Variants in RBFOX1 observed in about 807,000 individuals in gnomAD.
The protein encoded by RBFOX1 is RNA binding protein fox-1 homolog 1.
RBFOX1 carries 8 observed loss-of-function variants against 57.7 expected under a neutral mutation model. The ratio of observed to expected loss-of-function variants is 0.14; its 90% CI spans 0.08 to 0.25. The LOEUF (loss-of-function observed/expected upper bound fraction) is 0.25, where lower values mean the gene tolerates loss of function less well. Ranked by LOEUF, RBFOX1 falls within the 10% of genes least tolerant of loss-of-function variation. The pLI is 1.00. For missense variants in RBFOX1, 611 were observed against 548.5 expected (o/e 1.11, Z -1.14); for synonymous variants, 326 against 222.4 (o/e 1.47, Z -4.15).
At chr16:6,761,462 A>G (rs991132404) in intron 3 of RBFOX1, among the ~76,000 whole-genome samples, 4 of 145,084 alleles carry the variant, frequency 2.8e-5, no homozygotes, top group Non-Finnish European at 6.0e-5. Flanking sequence ...GTTTTTAAAC[A>G]TACACTCCAG....
At chr16:6,994,189 C>G (rs1238618098) in intron 3 of RBFOX1, among the ~76,000 whole-genome samples, 3 of 152,070 alleles carry the variant, frequency 2.0e-5, no homozygotes, top group African/African-American at 2.4e-5. Flanking sequence ...CCTTTCCAGT[C>G]TGCAAAATTA....
At chr16:7,087,664 T>A (rs532487254) in intron 4 of RBFOX1, among the ~76,000 whole-genome samples, 8 of 152,202 alleles carry the variant, frequency 5.3e-5, no homozygotes, top group Non-Finnish European at 8.8e-5. Flanking sequence ...AGGAATGTTA[T>A]CCTCATAAAC....
intron 3 of RBFOX1, chr16:5,610,295 C>A (rs183707614): frequency 1.3e-5 from 2 of 152,364 alleles, no homozygotes; most frequent in Admixed American, 6.5e-5. Flanking sequence ...TGTACACTCG[C>A]TATGTACTAG....
chr16:6,836,859 T>G (rs758918966), intron 3 of RBFOX1, among the ~76,000 whole-genome samples: 8 of 152,216 alleles, frequency 5.3e-5, no homozygotes, highest in Non-Finnish European at 1.2e-4. Context: ...GCAGAATACT[T>G]ACTGCTGAAC....
At chr16:6,780,398 T>TTATGTATA (rs1555461281) in intron 3 of RBFOX1, among the ~76,000 whole-genome samples, 7 of 79,952 alleles carry the variant, frequency 8.8e-5, no homozygotes, top group African/African-American at 4.4e-4. Flanking sequence ...TTATATATAT[T>TTATGTATA]TTTATATATA....
intron 4 of RBFOX1, among the ~76,000 whole-genome samples, chr16:7,168,003 T>A (rs1463133272): frequency 3.9e-5 from 6 of 152,160 alleles, no homozygotes; most frequent in Non-Finnish European, 8.8e-5. Context: ...GGATTTTTTT[T>A]AAACTTACAT....
intron 7 of RBFOX1, among the ~76,000 whole-genome samples, chr16:7,588,265 A>T (rs1398722066): frequency 1.3e-5 from 2 of 152,234 alleles, no homozygotes; most frequent in African/African-American, 4.8e-5. Flanking sequence ...TCAGTGGCTA[A>T]CCAAGGGTGG....
At chr16:7,314,595 C>G (rs1003715953) in intron 4 of RBFOX1, among the ~76,000 whole-genome samples, 1 of 152,296 alleles carries the variant, frequency 6.6e-6, no homozygotes, top group East Asian at 1.9e-4. Context: ...TTCACAGTGG[C>G]ATCACGGTCC....
intron 9 of RBFOX1, among the ~76,000 whole-genome samples, chr16:7,598,832 A>G (rs2094852231): frequency 6.6e-6 from 1 of 152,214 alleles, no homozygotes; most frequent in Non-Finnish European, 1.5e-5. Flanking sequence ...CACAAAACAG[A>G]TAAATAGGTT....
chr16:5,368,103 T>A (rs1293220176), intron 1 of RBFOX1, among the ~76,000 whole-genome samples: 2 of 152,212 alleles, frequency 1.3e-5, no homozygotes, highest in Non-Finnish European at 2.9e-5. Context: ...ATTAGATTTG[T>A]CATAAATGTA....
intron 3 of RBFOX1, among the ~76,000 whole-genome samples, chr16:5,827,448 T>G (rs1162876580): frequency 1.3e-5 from 2 of 148,624 alleles, no homozygotes; most frequent in African/African-American, 2.5e-5. Flanking sequence ...ATTGAACAAC[T>G]CATATTCTAC....
chr16:5,728,501 G>C (rs531670392), intron 3 of RBFOX1, among the ~76,000 whole-genome samples: 31 of 152,298 alleles, frequency 2.0e-4, no homozygotes, highest in African/African-American at 6.5e-4. Context: ...GGCTGTGGGA[G>C]CAAATGCCCT....
intron 3 of RBFOX1, among the ~76,000 whole-genome samples, chr16:6,780,976 G>A (rs2080920953): frequency 6.6e-6 from 1 of 152,052 alleles, no homozygotes; most frequent in South Asian, 2.1e-4. Context: ...TGCCTTTGCT[G>A]TGCAGACACT....
intron 8 of RBFOX1, among the ~76,000 whole-genome samples, chr16:7,596,172 G>C (rs1366292840): frequency 1.7e-5 from 2 of 115,474 alleles, no homozygotes; most frequent in African/African-American, 3.2e-5. Flanking sequence ...TAAACCTCTC[G>C]TTTTTTTTTT....
At chr16:5,850,991 C>T (rs1026625051) in intron 3 of RBFOX1, among the ~76,000 whole-genome samples, 2 of 152,198 alleles carry the variant, frequency 1.3e-5, no homozygotes, top group African/African-American at 4.8e-5. Context: ...TGAGCTAAGC[C>T]GAGCTGTGGC....
At position 5,370,651 on chromosome 16, in the gene RBFOX1, C is replaced by G. The variant is rs567763380; in HGVS notation, c.220-96565C>G. ...GAGGCCGCAGGCACGTGCTACCACA[C>G]TCAGCTATTTTTTTTTTATGTTTTG... is the stretch of plus-strand genomic sequence containing the variant. On this transcript the variant is annotated intron_variant, in intron 1 of 2. Coordinates refer to the RBFOX1 transcript ENST00000585867. Among the ~76,000 whole-genome samples, 32 of 152,076 alleles carry G rather than the reference C, an allele frequency of 2.1e-4. 1 individual carries two copies. In the South Asian group the frequency reaches 5.4e-3, roughly 26 times the overall value.
chr16:6,485,702 AAG>A (rs985215160), intron 2 of RBFOX1, among the ~76,000 whole-genome samples: 40 of 152,350 alleles, frequency 2.6e-4, no homozygotes, highest in African/African-American at 9.1e-4. Context: ...ACTATGTAAA[AAG>A]AGCAGAATCT....
intron 2 of RBFOX1, among the ~76,000 whole-genome samples, chr16:6,637,745 C>G (rs888417333): frequency 6.6e-6 from 1 of 151,514 alleles, no homozygotes; most frequent in South Asian, 2.1e-4. Context: ...TGTAATACAT[C>G]TACATCTCTT....
intron 2 of RBFOX1, among the ~76,000 whole-genome samples, chr16:6,495,238 C>G (rs2095737435): frequency 6.6e-6 from 1 of 152,156 alleles, no homozygotes. Flanking sequence ...TTTGCCGCAG[C>G]CTCCTGAATT....
Sources: allele counts gnomAD v4.1 joint callset (sites outside exome capture counted in the v4.1 genomes callset), GRCh38; gene constraint gnomAD v4.1.1; transcripts MANE v1.5; gene names NCBI Gene and HGNC (gene_info 2026-07-23, HGNC 2026-07-21).